The following PCP4 variants were observed in gnomAD, a reference collection of about 807,000 sequenced individuals.
PCP4 encodes the protein calmodulin regulator protein PCP4.
Under a neutral mutation model 10.0 loss-of-function variants are expected in PCP4, and 8 were observed. That is an observed-to-expected ratio of 0.80 (90% confidence interval 0.47 to 1.45). The LOEUF is 1.45. PCP4 is among the 40% of genes most tolerant of loss of function. PCP4 has a pLI of 0.00. For missense variants in PCP4, 54 were observed against 74.4 expected, an observed-to-expected ratio of 0.73 and a Z score of 1.01; for synonymous variants, 21 against 23.0, an observed-to-expected ratio of 0.91 and a Z score of 0.24.
intron 1 of PCP4, among the ~76,000 whole-genome samples, chr21:39,897,510 C>T (rs984055811): frequency 3.3e-5 from 5 of 151,866 alleles, no homozygotes; most frequent in Non-Finnish European, 5.9e-5. Context: ...ATAACTAGAA[C>T]CACGTTAAGC....
chr21:39,925,989 C>T (rs1230487228), intron 2 of PCP4: 1 of 455,796 alleles, frequency 2.2e-6, no homozygotes, highest in Admixed American at 2.3e-5. Context: ...GGGCCACAGA[C>T]CATTTGTACT....
intron 2 of PCP4, among the ~76,000 whole-genome samples, chr21:39,909,859 G>A (rs1395308264): frequency 6.7e-6 from 1 of 149,756 alleles, no homozygotes; most frequent in African/African-American, 2.5e-5. Flanking sequence ...GCAATGGCGT[G>A]ACCTTGGCTC....
Position 39,898,498 on chromosome 21 carries a change from A to G in PCP4, c.32A>G (p.Asn11Ser), listed in dbSNP as rs374105114. 11 of 1,613,994 alleles carry G rather than the reference A, an allele frequency of 6.8e-6. No homozygotes were observed. In the East Asian group the frequency reaches 8.9e-5, roughly 13 times the overall value. The change falls in exon 2 of 3, where the codon AAT (asparagine) becomes AGT (serine). Residue 11 changes from asparagine to serine, a missense_variant. Asn to Ser is a conservative substitution (Grantham distance 46). Transcript: ENST00000328619. ...TAGCGACAAGGTGCTGGGGCAACCA[A>G]TGGAAAAGACAAGACATCTGGTGAA... MSERQGAGAT[N>S]GKDKTSGEND...
At chr21:39,899,795 A>G (rs2087474364) in intron 2 of PCP4, among the ~76,000 whole-genome samples, 1 of 152,082 alleles carries the variant, frequency 6.6e-6, no homozygotes, top group Non-Finnish European at 1.5e-5. Flanking sequence ...GGAAGGCAGG[A>G]AGCAGAGGAA....
chr21:39,881,250 G>GTTT (rs1293664165), intron 1 of PCP4, among the ~76,000 whole-genome samples: 1 of 152,108 alleles, frequency 6.6e-6, no homozygotes, highest in Non-Finnish European at 1.5e-5. Flanking sequence ...CTGGCTATTT[G>GTTT]TTTATTATTA....
At chr21:39,891,354 A>T (rs1555847983) in intron 1 of PCP4, among the ~76,000 whole-genome samples, 1 of 151,898 alleles carries the variant, frequency 6.6e-6, no homozygotes, top group Non-Finnish European at 1.5e-5. Context: ...CTCCACCTCC[A>T]CCCCTTGCCT....
intron 2 of PCP4, among the ~76,000 whole-genome samples, chr21:39,920,502 A>G (rs2087592228): frequency 6.6e-6 from 1 of 151,868 alleles, no homozygotes. Flanking sequence ...TGTGTGTTAA[A>G]AGTAAAAGCT....
chr21:39,896,061 C>T (rs1474756500), intron 1 of PCP4, among the ~76,000 whole-genome samples: 1 of 152,158 alleles, frequency 6.6e-6, no homozygotes, highest in East Asian at 1.9e-4. Context: ...ATAAAAACCC[C>T]ATCTTAGAAA....
intron 2 of PCP4, among the ~76,000 whole-genome samples, chr21:39,905,940 C>T (rs1453009999): frequency 2.0e-5 from 3 of 152,124 alleles, no homozygotes; most frequent in Non-Finnish European, 4.4e-5. Context: ...GTCCCAGATA[C>T]TCAGGAGGCT....
At chr21:39,913,032 T>C (rs2087548421) in intron 2 of PCP4, among the ~76,000 whole-genome samples, 1 of 152,156 alleles carries the variant, frequency 6.6e-6, no homozygotes, top group African/African-American at 2.4e-5. Flanking sequence ...TTAATCTTTT[T>C]GAGTCCAGGT....
At chr21:39,925,063 C>T (rs1404021381) in intron 2 of PCP4, among the ~76,000 whole-genome samples, 1 of 152,210 alleles carries the variant, frequency 6.6e-6, no homozygotes, top group East Asian at 1.9e-4. Flanking sequence ...CCCCTCTTCT[C>T]TCCATTCAGC....
intron 2 of PCP4, among the ~76,000 whole-genome samples, chr21:39,917,852 T>G (rs1485747096): frequency 6.6e-6 from 1 of 152,106 alleles, no homozygotes; most frequent in Non-Finnish European, 1.5e-5. Flanking sequence ...TATTTGGAGA[T>G]AGGGTCTTTA....
At chr21:39,903,066 A>T (rs1354329821) in intron 2 of PCP4, among the ~76,000 whole-genome samples, 9 of 152,218 alleles carry the variant, frequency 5.9e-5, no homozygotes, top group Non-Finnish European at 5.9e-5. Context: ...ATACCTTGAT[A>T]CTGGTTGTCC....
intron 2 of PCP4, among the ~76,000 whole-genome samples, chr21:39,923,106 C>A (rs1354347553): frequency 6.6e-6 from 1 of 152,132 alleles, no homozygotes; most frequent in Non-Finnish European, 1.5e-5. Context: ...CCAGGACCTG[C>A]GGCAAATACA....
At chr21:39,887,865 G>T (rs2087408208) in intron 1 of PCP4, among the ~76,000 whole-genome samples, 1 of 152,176 alleles carries the variant, frequency 6.6e-6, no homozygotes, top group Non-Finnish European at 1.5e-5. Context: ...CCTTAGAAGG[G>T]CTTACTGGGG....
At chr21:39,891,206 A>G (rs544739559) in intron 1 of PCP4, among the ~76,000 whole-genome samples, 206 of 152,306 alleles carry the variant, frequency 1.4e-3, no homozygotes, top group Non-Finnish European at 1.4e-3. Flanking sequence ...AGCCTTGTCT[A>G]TGTGCTGAGT....
At chr21:39,894,985 G>A (rs8133596) in intron 1 of PCP4, among the ~76,000 whole-genome samples, 1 of 152,196 alleles carries the variant, frequency 6.6e-6, no homozygotes, top group Non-Finnish European at 1.5e-5. Flanking sequence ...CTGTTCATTT[G>A]ACCATCAACC....
chr21:39,921,236 T>C (rs1207921383), intron 2 of PCP4, among the ~76,000 whole-genome samples: 1 of 152,208 alleles, frequency 6.6e-6, no homozygotes, highest in East Asian at 1.9e-4. Context: ...CAGAGCTATA[T>C]TGACTGGTCC....
At chr21:39,908,300 G>A (rs141205563) in intron 2 of PCP4, among the ~76,000 whole-genome samples, 3 of 152,214 alleles carry the variant, frequency 2.0e-5, no homozygotes, top group East Asian at 1.9e-4. Context: ...CCCCACAGTC[G>A]GTGTAAGCCC....
Sources: allele counts gnomAD v4.1 joint callset (sites outside exome capture counted in the v4.1 genomes callset), GRCh38; gene constraint gnomAD v4.1.1; transcripts MANE v1.5; gene names NCBI Gene and HGNC (gene_info 2026-07-23, HGNC 2026-07-21).